Variants in CTNND2 observed in about 807,000 individuals in gnomAD.
CTNND2 encodes catenin delta-2.
CTNND2 carries 22 observed loss-of-function variants against 144.4 expected under a neutral mutation model. The ratio of observed to expected loss-of-function variants is 0.15; its 90% CI spans 0.11 to 0.22. CTNND2 has a LOEUF of 0.22. Ranked by LOEUF, CTNND2 falls within the 10% of genes least tolerant of loss-of-function variation. CTNND2 has a pLI of 1.00. For missense variants in CTNND2, 1,353 were observed against 1,618.8 expected, an observed-to-expected ratio of 0.84 and a Z score of 2.82; for synonymous variants, 751 against 695.6, an observed-to-expected ratio of 1.08 and a Z score of -1.25.
chr5:11,664,120 T>C (rs1387011596), intron 2 of CTNND2, among the ~76,000 whole-genome samples: 1 of 152,200 alleles, frequency 6.6e-6, no homozygotes, highest in Non-Finnish European at 1.5e-5. Flanking sequence ...AATGAAAATG[T>C]TATTCCATAA....
At position 11,613,591 on chromosome 5, in the gene CTNND2, T is replaced by C. The variant is rs529146668; in HGVS notation, c.175-48535A>G. ...GTATGTATTAACCTATGTTTTCTTC[T>C]TCCAGCAATATATTGCTTCAGGGCT... On this transcript the variant is annotated intron_variant, in intron 2 of 21. Coordinates refer to ENST00000304623, the MANE Select transcript of CTNND2 (RefSeq NM_001332.4). 3.3e-5 allele frequency among the ~76,000 whole-genome samples: 5 copies of C among 152,342 alleles called. No homozygotes were observed. In the East Asian group the frequency reaches 9.6e-4, roughly 29 times the overall value.
At chr5:10,999,588 C>T (rs1412141833) in intron 18 of CTNND2, among the ~76,000 whole-genome samples, 2 of 152,254 alleles carry the variant, frequency 1.3e-5, no homozygotes, top group East Asian at 1.9e-4. Flanking sequence ...CTTCAACAGA[C>T]TGACCCACAA....
intron 1 of CTNND2, among the ~76,000 whole-genome samples, chr5:11,863,915 C>T (rs1415605828): frequency 6.6e-6 from 1 of 152,180 alleles, no homozygotes; most frequent in East Asian, 1.9e-4. Context: ...AGCAGAAGTA[C>T]ACCTAGGACT....
At chr5:11,501,655 G>C (rs75767046) in intron 3 of CTNND2, among the ~76,000 whole-genome samples, 3 of 152,208 alleles carry the variant, frequency 2.0e-5, no homozygotes, top group Admixed American at 2.0e-4. Context: ...AGGTGGGAAC[G>C]CTGGGAGGTA....
At chr5:11,659,529 C>G (rs1264806740) in intron 2 of CTNND2, among the ~76,000 whole-genome samples, 1 of 152,082 alleles carries the variant, frequency 6.6e-6, no homozygotes, top group Non-Finnish European at 1.5e-5. Context: ...CACATTGATG[C>G]AAGGACATAG....
intron 3 of CTNND2, among the ~76,000 whole-genome samples, chr5:11,548,364 T>C (rs537056331): frequency 1.3e-5 from 2 of 151,480 alleles, no homozygotes; most frequent in African/African-American, 4.9e-5. Context: ...AGTTATAGCA[T>C]TTTTTAAAAC....
At chr5:11,793,497 G>T (rs4518397) in intron 1 of CTNND2, among the ~76,000 whole-genome samples, 15 of 152,316 alleles carry the variant, frequency 9.8e-5, no homozygotes, top group South Asian at 8.3e-4. Context: ...TACTGGAGTA[G>T]GGTGAGCTCC....
intron 2 of CTNND2, among the ~76,000 whole-genome samples, chr5:11,602,095 T>C (rs951501979): frequency 2.0e-5 from 3 of 152,140 alleles, no homozygotes; most frequent in Non-Finnish European, 2.9e-5. Flanking sequence ...TAAAGCACTA[T>C]GGGATACAAT....
At chr5:11,727,039 T>G (rs924185057) in intron 2 of CTNND2, among the ~76,000 whole-genome samples, 4 of 152,152 alleles carry the variant, frequency 2.6e-5, no homozygotes, top group African/African-American at 4.8e-5. Flanking sequence ...TCTAGAATTA[T>G]TCACCCATAA....
chr5:11,680,404 G>A (rs988378355), intron 2 of CTNND2, among the ~76,000 whole-genome samples: 3 of 152,074 alleles, frequency 2.0e-5, no homozygotes, highest in African/African-American at 7.2e-5. Context: ...GGTAGGAGTG[G>A]GGAGGGAGTG....
chr5:11,314,660 C>T (rs912449686), intron 9 of CTNND2, among the ~76,000 whole-genome samples: 1 of 152,252 alleles, frequency 6.6e-6, no homozygotes, highest in African/African-American at 2.4e-5. Context: ...GGCCACTGCA[C>T]CTGGCCCAGA....
At chr5:11,510,799 C>T (rs1334812242) in intron 3 of CTNND2, among the ~76,000 whole-genome samples, 4 of 152,018 alleles carry the variant, frequency 2.6e-5, no homozygotes, top group African/African-American at 9.7e-5. Flanking sequence ...GGCATGGTGG[C>T]ACATGCATGT....
At chr5:11,634,396 C>A (rs2126479385) in intron 2 of CTNND2, among the ~76,000 whole-genome samples, 1 of 152,176 alleles carries the variant, frequency 6.6e-6, no homozygotes, top group East Asian at 1.9e-4. Flanking sequence ...CAGAAAAATA[C>A]CTTCTGCTCC....
chr5:11,828,100 C>T (rs965621951), intron 1 of CTNND2, among the ~76,000 whole-genome samples: 3 of 152,164 alleles, frequency 2.0e-5, no homozygotes, highest in Non-Finnish European at 4.4e-5. Context: ...GCTGTGTTGC[C>T]ACCCAAATCT....
Position 11,384,188 on chromosome 5 carries a change from T to C in CTNND2, c.1177+477A>G, listed in dbSNP as rs1376122947. 2.0e-5 allele frequency among the ~76,000 whole-genome samples: 3 copies of C among 152,206 alleles called. No individual in the cohort carries two copies. The highest frequency in any genetic ancestry group is 7.2e-5 in the African/African-American group (3 of 41,452). On this transcript the variant is annotated intron_variant, in intron 7 of 21. Transcript: ENST00000304623. This position sits in a 1 kb window ranked among gnomAD's most constrained non-coding sequence, Gnocchi z 5.2. The stretch of plus-strand genomic sequence containing the variant: ...TTCAAGGCAATTCATTATTAATTAT[T>C]TCCCCACTACTATTGAAAACTATGT...
chr5:11,843,810 T>G (rs1794607148), intron 1 of CTNND2, among the ~76,000 whole-genome samples: 1 of 152,122 alleles, frequency 6.6e-6, no homozygotes, highest in Non-Finnish European at 1.5e-5. Flanking sequence ...AGAAAAAAAC[T>G]CATTTTTTTT....
At chr5:10,999,913 T>C (rs852612) in intron 18 of CTNND2, among the ~76,000 whole-genome samples, 124,443 of 152,220 alleles carry the variant, frequency 0.82, 51,454 homozygotes, top group African/African-American at 0.95. Flanking sequence ...CAATCGTCCA[T>C]ACGGGCATTT....
intron 2 of CTNND2, among the ~76,000 whole-genome samples, chr5:11,719,876 A>ACACCCC (rs1016017967): frequency 0.01 from 1,483 of 144,164 alleles, 22 homozygotes; most frequent in African/African-American, 0.038. Context: ...ACACACACAC[A>ACACCCC]CCACAGATCC....
intron 2 of CTNND2, among the ~76,000 whole-genome samples, chr5:11,596,991 G>A (rs1393347514): frequency 3.3e-5 from 5 of 152,138 alleles, no homozygotes; most frequent in Non-Finnish European, 7.4e-5. Context: ...GTACTATGGT[G>A]AGGTTTGGTT....
Sources: gnomAD v4.1 joint callset for allele counts (sites outside exome capture counted in the v4.1 genomes callset) on GRCh38, gnomAD v4.1.1 for gene constraint, Gnocchi (gnomAD v3.1) non-coding constraint, MANE v1.5 for transcripts, NCBI Gene and HGNC (gene_info 2026-07-23, HGNC 2026-07-21) for gene names.